CUX1: variants seen among roughly 807,000 people sequenced by gnomAD.
CUX1 encodes the protein protein CASP.
Under a neutral mutation model 158.8 loss-of-function variants are expected in CUX1, and 31 were observed. The ratio of observed to expected loss-of-function variants is 0.20; its 90% CI spans 0.15 to 0.26. CUX1 has a LOEUF of 0.26. Among genes scored for constraint, CUX1 ranks in the 10% least tolerant of loss-of-function variants. CUX1 has a pLI of 1.00. For missense variants in CUX1, 1,589 were observed against 2,014.6 expected, an observed-to-expected ratio of 0.79 and a Z score of 4.04; for synonymous variants, 879 against 862.1, an observed-to-expected ratio of 1.02 and a Z score of -0.34.
chr7:102,226,225 A>G (rs576217504), intron 20 of CUX1, among the ~76,000 whole-genome samples: 1 of 151,898 alleles, frequency 6.6e-6, no homozygotes, highest in Non-Finnish European at 1.5e-5. Context: ...TGGCTTGTCC[A>G]CACCAGCCCA....
chr7:102,061,167 A>C (rs924942572), intron 3 of CUX1, among the ~76,000 whole-genome samples: 13 of 152,114 alleles, frequency 8.5e-5, no homozygotes, highest in Non-Finnish European at 1.3e-4. Flanking sequence ...CAGGTGATCC[A>C]TCTGCTTTGG....
At chr7:102,105,472 C>G (rs892113111) in intron 6 of CUX1, among the ~76,000 whole-genome samples, 5 of 139,204 alleles carry the variant, frequency 3.6e-5, no homozygotes, top group Non-Finnish European at 6.2e-5. Flanking sequence ...ACAATAAGGA[C>G]TATTGAGCTT....
chr7:102,011,438 C>CTGCTTGCT (rs71286263), intron 2 of CUX1, among the ~76,000 whole-genome samples: 2 of 151,812 alleles, frequency 1.3e-5, no homozygotes, highest in Non-Finnish European at 2.9e-5. Flanking sequence ...ATGGTCTCTT[C>CTGCTTGCT]TGCTTGCTTG....
intron 3 of CUX1, among the ~76,000 whole-genome samples, chr7:102,063,173 G>T (rs551680398): frequency 6.6e-6 from 1 of 151,628 alleles, no homozygotes; most frequent in African/African-American, 2.4e-5. Context: ...TGATGTTGCT[G>T]AAAACATAAC....
chr7:101,988,710 G>A (rs77325173), intron 2 of CUX1, among the ~76,000 whole-genome samples: 1,587 of 152,132 alleles, frequency 0.01, 24 homozygotes, highest in African/African-American at 0.036. Context: ...CCTGCGTCGG[G>A]ATACCAGGGG....
In CUX1 at chr7:101,876,473, G is replaced by T. The variant is rs370769230; in HGVS notation, c.31-39642G>T. Among the ~76,000 whole-genome samples, 38 of 151,986 alleles carry T rather than the reference G, an allele frequency of 2.5e-4. 1 individual carries two copies. The South Asian group carries it at 7.7e-3, about 31-fold the overall frequency. On this transcript the variant is annotated intron_variant, in intron 1 of 23. Coordinates refer to ENST00000292535, the MANE Select transcript of CUX1 (RefSeq NM_181552.4). ...GCAGTTTGGGAGGCCAAGGCAGGCG[G>T]ATCACGAGATCAGGAGATCGAGACC...
chr7:102,104,898 A>C (rs900491361), intron 6 of CUX1, among the ~76,000 whole-genome samples: 1 of 152,156 alleles, frequency 6.6e-6, no homozygotes. Context: ...TCTCCAAAAA[A>C]AGATATTCTA....
At chr7:102,091,056 A>T (rs543153031) in intron 4 of CUX1, among the ~76,000 whole-genome samples, 2 of 152,330 alleles carry the variant, frequency 1.3e-5, no homozygotes, top group East Asian at 3.9e-4. Context: ...TAAGGCATTG[A>T]ACCATTTTTG....
chr7:102,097,714 G>C (rs560538069), intron 5 of CUX1, among the ~76,000 whole-genome samples: 46 of 146,074 alleles, frequency 3.1e-4, no homozygotes, highest in Admixed American at 2.8e-3. Context: ...CAACAACGAC[G>C]TAAGATTTTA....
chr7:102,005,600 G>A (rs1161837366), intron 2 of CUX1, among the ~76,000 whole-genome samples: 1 of 152,022 alleles, frequency 6.6e-6, no homozygotes, highest in East Asian at 1.9e-4. Flanking sequence ...CCTCCCACAG[G>A]GCTGGGGTTA....
chr7:102,132,060 G>A (rs542300131), intron 8 of CUX1, among the ~76,000 whole-genome samples: 1 of 152,140 alleles, frequency 6.6e-6, no homozygotes, highest in Admixed American at 6.5e-5. Context: ...TAATAAGGGG[G>A]TGGAAAAACT....
chr7:101,922,932 T>C (rs984259731), intron 2 of CUX1, among the ~76,000 whole-genome samples: 3 of 152,272 alleles, frequency 2.0e-5, no homozygotes, highest in African/African-American at 7.2e-5. Context: ...ATGTGAGCAG[T>C]GGAGGCTGAA....
At chr7:101,998,935 C>G (rs202150) in intron 2 of CUX1, among the ~76,000 whole-genome samples, 95,250 of 152,090 alleles carry the variant, frequency 0.63, 30,533 homozygotes, top group East Asian at 0.96. Flanking sequence ...GTTTCCTCTT[C>G]GCCCTCGGGC....
Position 102,227,446 on chromosome 7 carries a change from G to C in CUX1, c.3210G>C (p.Leu1070=). Residue 1070 remains leucine (L), a synonymous_variant, in exon 21 of 24, where the codon CTG becomes CTC. Coordinates refer to ENST00000292535, the MANE Select transcript of CUX1 (RefSeq NM_181552.4). ...GTTCCAGTGAGTCGGTGAAGAGCCT[G>C]ACCGAGCTGGTCCAGCAGCCCTGTC... ...PMSSSESVKS[L]TELVQQPCPP... 3.1e-6 allele frequency: 5 copies of C among 1,614,016 alleles called. No individual in the cohort carries two copies. The highest frequency in any genetic ancestry group is 4.5e-5 in the East Asian group (2 of 44,882).
rs1746164008 is a variant in CUX1 at position 102,253,311 on chromosome 7, C to T, written c.*4269C>T. The T allele has an allele frequency of 2.0e-6, 2 of 985,578 alleles. No individual in the cohort carries two copies. Among genetic ancestry groups the T allele is most frequent in the Middle Eastern group, 5.2e-4 (1 of 1,918 alleles). The allele number at this position is 985,578 out of a possible 1,614,324, so 61.1% of individuals were successfully genotyped here. A position where few individuals can be genotyped will look rare whatever the true frequency, so the allele number is the denominator to read the frequency against. On this transcript the variant is annotated 3_prime_UTR_variant, in exon 24 of 24. Coordinates refer to ENST00000292535, the MANE Select transcript of CUX1 (RefSeq NM_181552.4). ...CTCCTTGGCCAGGGCCAGCATCAGG[C>T]GTGCAGCTCATGACCAGTTTACACA...
At chr7:102,103,373 C>G (rs1297060009) in intron 5 of CUX1, among the ~76,000 whole-genome samples, 4 of 152,008 alleles carry the variant, frequency 2.6e-5, no homozygotes, top group African/African-American at 4.8e-5. Flanking sequence ...TTGCTTGCTT[C>G]CTTCCTTCCT....
chr7:101,932,758 C>T (rs1170434624), intron 2 of CUX1: 4 of 385,190 alleles, frequency 1.0e-5, no homozygotes, highest in Non-Finnish European at 2.1e-5. Context: ...AGAAAAAATA[C>T]TGTTTCACTT....
At chr7:102,178,438 G>A (rs782588790) in intron 10 of CUX1, 31 bp from the exon 11 acceptor site, 16 of 1,564,582 alleles carry the variant, frequency 1.0e-5, no homozygotes, top group African/African-American at 1.4e-5. Flanking sequence ...CAAGGCCAGC[G>A]CAGTTTTGTC....
intron 1 of CUX1, among the ~76,000 whole-genome samples, chr7:101,877,790 G>A (rs899832061): frequency 1.9e-4 from 24 of 126,730 alleles, no homozygotes; most frequent in African/African-American, 6.9e-4. Flanking sequence ...GTGTGTGTGT[G>A]TGTGTGTGTG....
Sources: gnomAD v4.1 joint callset for allele counts (sites outside exome capture counted in the v4.1 genomes callset) on GRCh38, gnomAD v4.1.1 for gene constraint, MANE v1.5 for transcripts, NCBI Gene and HGNC (gene_info 2026-07-23, HGNC 2026-07-21) for gene names.